Variants in ANKHD1 observed in about 807,000 individuals in gnomAD.
The protein encoded by ANKHD1 is ankyrin repeat and KH domain containing 1.
A neutral mutation model predicts 230.5 loss-of-function variants in ANKHD1; 31 were observed. The ratio of observed to expected loss-of-function variants is 0.13; its 90% confidence interval spans 0.10 to 0.18. The LOEUF is 0.18. Among genes scored for constraint, ANKHD1 ranks in the 10% least tolerant of loss-of-function variants. The probability of loss-of-function intolerance (pLI) is 1.00; values close to 1 mark genes in which losing one functional copy is unlikely to be tolerated. For missense variants in ANKHD1, 2,256 were observed against 3,071.3 expected, an observed-to-expected ratio of 0.73 and a Z score of 6.27; for synonymous variants, 1,074 against 1,117.6, an observed-to-expected ratio of 0.96 and a Z score of 0.78.
chr5:140,427,853 G>A (rs975378862), intron 1 of ANKHD1, among the ~76,000 whole-genome samples: 9 of 151,964 alleles, frequency 5.9e-5, no homozygotes, highest in African/African-American at 1.9e-4. Flanking sequence ...GTGGCTGCTG[G>A]GCGGAGGGGC....
intron 1 of ANKHD1, among the ~76,000 whole-genome samples, chr5:140,428,678 C>T (rs1370570025): frequency 6.6e-6 from 1 of 152,084 alleles, no homozygotes; most frequent in Non-Finnish European, 1.5e-5. Flanking sequence ...AGGGCGAGGG[C>T]GAGGTCCTTG....
intron 1 of ANKHD1, among the ~76,000 whole-genome samples, chr5:140,432,077 C>CT (rs1399254276): frequency 6.6e-6 from 1 of 152,142 alleles, no homozygotes. Context: ...TACCTTATAT[C>CT]TTTTAAAAAT....
At chr5:140,403,027 A>G (rs1230182971) in intron 1 of ANKHD1, among the ~76,000 whole-genome samples, 1 of 135,764 alleles carries the variant, frequency 7.4e-6, no homozygotes, top group African/African-American at 2.8e-5. Flanking sequence ...ACGCTAGAAT[A>G]CACGTGATCT....
Position 140,496,718 on chromosome 5 carries a change from A to G in ANKHD1, c.2444A>G (p.Asp815Gly), listed in dbSNP as rs1202770005. 2.5e-6 allele frequency: 4 copies of G among 1,613,800 alleles called. No homozygotes were observed. The highest frequency in any genetic ancestry group is 1.1e-5 in the South Asian group (1 of 91,070). ...ATTCAAGGTGAACCTCTGAACAAAG[A>G]TAAGATAGAAGAACTTAAAAAGAAC... ...ELIQGEPLNKDKIEELKKNRE... is the reference protein window; with the variant it reads ...ELIQGEPLNKGKIEELKKNRE... The change falls in exon 15 of 34, where the codon GAT becomes GGT. Residue 815 changes from aspartate to glycine, a missense_variant. Transcript: ENST00000360839.
chr5:140,402,144 C>T lies in ANKHD1; in HGVS notation c.177C>T (p.Ser59=). The change falls in exon 1 of 34, where the codon AGC becomes AGT. Residue 59 remains serine, a synonymous_variant. Coordinates refer to ENST00000360839, the MANE Select transcript of ANKHD1 (RefSeq NM_017747.3). ...GGCCAGCGTCGGGAGTCGGCAGCAG[C>T]GGCGGCGGCGGCAGCGGCAGCGGTA... The part of the protein sequence containing the change: ...EAGPASGVGS[S]GGGGSGSGTG... 1.3e-6 allele frequency: 2 copies of T among 1,528,668 alleles called. No homozygotes were observed. The highest frequency in any genetic ancestry group is 2.5e-5 in the South Asian group (2 of 81,172). 94.7% of individuals were successfully genotyped at this position (1,528,668 alleles called of 1,614,324 possible).
chr5:140,485,013 A>AT lies in ANKHD1; in HGVS notation c.1871-101dup. ...AAACTATACACTTAATGATTTGTAT[A>AT]TTTTTTTGTATCTACATTATACTTC... On this transcript the variant is annotated intron_variant, in intron 11 of 33. Coordinates refer to ENST00000360839, the MANE Select transcript of ANKHD1 (RefSeq NM_017747.3). The surrounding 1 kb of genome is among the most constrained non-coding windows in gnomAD (Gnocchi z 4.8). The AT allele has an allele frequency of 1.4e-6, 2 of 1,412,592 alleles. No individual in the cohort carries two copies. The highest frequency in any genetic ancestry group is 1.9e-6 in the Non-Finnish European group (2 of 1,075,468). 87.5% of individuals were successfully genotyped at this position (1,412,592 alleles called of 1,614,324 possible).
chr5:140,528,441 A>G lies in ANKHD1; in HGVS notation c.5495A>G (p.Asn1832Ser), dbSNP rs1448051599. 3 of 1,614,172 alleles carry G rather than the reference A, an allele frequency of 1.9e-6. No homozygotes were observed. The highest frequency in any genetic ancestry group is 1.3e-5 in the African/African-American group (1 of 75,024). ...LSTFQPANKL[N>S]KNVPTNVRSS... ...ACGTTCCAGCCCGCTAATAAACTTA[A>G]TAAGAATGTTCCAACAAATGTACGT... Residue 1832 changes from asparagine to serine, a missense_variant, in exon 29 of 34, where the codon AAT becomes AGT. Transcript: ENST00000360839.
chr5:140,485,269 T>C lies in ANKHD1; in HGVS notation c.1998+21T>C, dbSNP rs1178901418. The C allele has an allele frequency of 6.2e-7, 1 of 1,601,930 alleles. No homozygotes were observed. On this transcript the variant is annotated intron_variant, in intron 12 of 33. Transcript: ENST00000360839. The surrounding 1 kb of genome is among the most constrained non-coding windows in gnomAD (Gnocchi z 4.8). ...TCAAGGTAGTCTACTTAAAAATAAGTAAACAGGCTGTGTGCGGTGGCTCAT... is the reference window on the plus strand; with the variant it reads ...TCAAGGTAGTCTACTTAAAAATAAGCAAACAGGCTGTGTGCGGTGGCTCAT...
At chr5:140,408,933 A>G (rs1019492887) in intron 1 of ANKHD1, among the ~76,000 whole-genome samples, 1 of 152,226 alleles carries the variant, frequency 6.6e-6, no homozygotes, top group African/African-American at 2.4e-5. Flanking sequence ...CAAGAGCAAC[A>G]TATAGACATT....
At chr5:140,508,108 T>G (rs1055608268) in intron 20 of ANKHD1, 110 bp downstream of exon 20, 1 of 1,364,540 alleles carries the variant, frequency 7.3e-7, no homozygotes, top group African/African-American at 1.5e-5. Context: ...TTAAAACTGA[T>G]ACCAATGCAG....
intron 10 of ANKHD1, among the ~76,000 whole-genome samples, chr5:140,469,767 T>C (rs1241896819): frequency 6.6e-6 from 1 of 151,834 alleles, no homozygotes; most frequent in East Asian, 1.9e-4. Flanking sequence ...GGTTATACAT[T>C]TACATTCTGA....
chr5:140,440,726 A>G (rs1423585361), intron 4 of ANKHD1, among the ~76,000 whole-genome samples: 2 of 152,160 alleles, frequency 1.3e-5, no homozygotes, highest in African/African-American at 4.8e-5. Flanking sequence ...CTCAAGCATA[A>G]CATTCTTTGA....
intron 15 of ANKHD1, among the ~76,000 whole-genome samples, chr5:140,503,525 C>T (rs1310645594): frequency 4.5e-5 from 6 of 132,094 alleles, no homozygotes; most frequent in Non-Finnish European, 6.3e-5. Context: ...ATATAAAATA[C>T]ATAATTTCTT....
rs1423433493 is a variant in ANKHD1 at position 140,415,384 on chromosome 5, G to GA, written c.306+13122dup. 4.7e-3 allele frequency among the ~76,000 whole-genome samples: 570 copies of GA among 121,720 alleles called. 4 individuals carry two copies. Among genetic ancestry groups the GA allele is most frequent in the African/African-American group, 0.015 (512 of 33,524 alleles). The allele number at this position is 121,720 out of a possible 152,430, so 79.9% of individuals were successfully genotyped here. ...GTGACAGAGCGAGACTTCGTCTTAA[G>GA]AAAAAAAAAAAGAGTTTTATAGTCT... On this transcript the variant is annotated intron_variant, in intron 1 of 33. Transcript: ENST00000360839.
At chr5:140,424,361 G>A (rs529913624) in intron 1 of ANKHD1, among the ~76,000 whole-genome samples, 61 of 152,184 alleles carry the variant, frequency 4.0e-4, no homozygotes, top group African/African-American at 1.4e-3. Context: ...ATGGTTCACT[G>A]TAGCCTTGAA....
Position 140,402,355 on chromosome 5 carries a change from C to T in ANKHD1, c.306+82C>T, listed in dbSNP as rs1240250133. Reference sequence around the variant, plus strand: ...TAGGCTCTGGGCCGGGGCCATCCTCCCGCTTCCCTGGTGGAGCCCTTCTGT... The same window carrying T: ...TAGGCTCTGGGCCGGGGCCATCCTCTCGCTTCCCTGGTGGAGCCCTTCTGT... On this transcript the variant is annotated intron_variant, in intron 1 of 33. Coordinates refer to ENST00000360839, the MANE Select transcript of ANKHD1 (RefSeq NM_017747.3). 6.5e-6 allele frequency: 9 copies of T among 1,376,132 alleles called. No homozygotes were observed. The South Asian group carries it at 9.8e-5, about 15-fold the overall frequency. The allele number at this position is 1,376,132 out of a possible 1,614,324, so 85.2% of individuals were successfully genotyped here. A position where few individuals can be genotyped will look rare whatever the true frequency, so the allele number is the denominator to read the frequency against.
At chr5:140,510,264 G>A (rs1204264774) in intron 22 of ANKHD1, 83 bp downstream of exon 22, 9 of 1,264,070 alleles carry the variant, frequency 7.1e-6, no homozygotes, top group South Asian at 1.8e-5. Context: ...TTATCTTGGA[G>A]AATTGAGTAT....
intron 10 of ANKHD1, among the ~76,000 whole-genome samples, chr5:140,472,728 G>A (rs1414190389): frequency 6.6e-6 from 1 of 151,966 alleles, no homozygotes; most frequent in Admixed American, 6.6e-5. Flanking sequence ...AATTAGTTTA[G>A]CAAAACGTTT....
chr5:140,436,647 G>C (rs1403050372), intron 2 of ANKHD1, among the ~76,000 whole-genome samples: 1 of 151,930 alleles, frequency 6.6e-6, no homozygotes, highest in Non-Finnish European at 1.5e-5. Context: ...TCAGGCAGCT[G>C]AGGCAGGAGA....
Sources: allele counts gnomAD v4.1 joint callset (sites outside exome capture counted in the v4.1 genomes callset), GRCh38; gene constraint gnomAD v4.1.1; non-coding constraint Gnocchi (gnomAD v3.1); transcripts MANE v1.5; gene names NCBI Gene and HGNC (gene_info 2026-07-23, HGNC 2026-07-21).